The following NUCB2 variants were observed in gnomAD, a reference collection of about 807,000 sequenced individuals.
NUCB2 encodes nucleobindin 2, also known as nucleobindin-2.
In NUCB2, 48 loss-of-function variants were observed where a neutral mutation model predicts 57.9. The ratio of observed to expected loss-of-function variants is 0.83; its 90% CI spans 0.66 to 1.05. NUCB2 has a LOEUF of 1.05. NUCB2 is among the 50% of genes least tolerant of loss of function. The pLI is 0.00. For missense variants in NUCB2, 442 were observed against 476.2 expected, an observed-to-expected ratio of 0.93 and a Z score of 0.67; for synonymous variants, 139 against 152.1, an observed-to-expected ratio of 0.91 and a Z score of 0.64.
Position 17,293,089 on chromosome 11 carries a change from A to G in NUCB2, c.1-2235A>G, listed in dbSNP as rs529549891. On this transcript the variant is annotated intron_variant, in intron 2 of 13. Coordinates refer to ENST00000529010, the MANE Select transcript of NUCB2 (RefSeq NM_005013.4). Reference sequence around the variant, plus strand: ...GCCAACATGGTGAAACCCCAGCTCTACCAAAAATACAAAAATTAGCTGGGC... The same window carrying G: ...GCCAACATGGTGAAACCCCAGCTCTGCCAAAAATACAAAAATTAGCTGGGC... Among the ~76,000 whole-genome samples the G allele has an allele frequency of 7.2e-5, 11 of 152,126 alleles. 1 individual carries two copies. The South Asian group carries it at 2.3e-3, about 32-fold the overall frequency.
chr11:17,318,909 G>A (rs1385189227), intron 11 of NUCB2, among the ~76,000 whole-genome samples: 1 of 152,190 alleles, frequency 6.6e-6, no homozygotes, highest in African/African-American at 2.4e-5. Context: ...GGGCACGGTG[G>A]TGCCTACCTG....
At chr11:17,314,026 C>T (rs1325582092) in intron 10 of NUCB2, among the ~76,000 whole-genome samples, 1 of 152,042 alleles carries the variant, frequency 6.6e-6, no homozygotes, top group Non-Finnish European at 1.5e-5. Flanking sequence ...TAACTCACAT[C>T]TTCTTCAAAC....
At chr11:17,314,371 C>T (rs1948943128) in intron 10 of NUCB2, among the ~76,000 whole-genome samples, 1 of 152,136 alleles carries the variant, frequency 6.6e-6, no homozygotes, top group South Asian at 2.1e-4. Flanking sequence ...ACTTCAGTGG[C>T]TTGCAATTTC....
Position 17,330,734 on chromosome 11 carries a change from G to A in NUCB2, c.1174-168G>A, listed in dbSNP as rs567147502. Among the ~76,000 whole-genome samples, 27 of 152,326 alleles carry A rather than the reference G, an allele frequency of 1.8e-4. No homozygotes were observed. The highest frequency in any genetic ancestry group is 3.9e-4 in the Admixed American group (6 of 15,298). On this transcript the variant is annotated intron_variant, in intron 12 of 13. Coordinates refer to ENST00000529010, the MANE Select transcript of NUCB2 (RefSeq NM_005013.4). This position sits in a 1 kb window ranked among gnomAD's most constrained non-coding sequence, Gnocchi z 4.3. ...TCTTCCCACCTGGGCCTCTGAAATT[G>A]TTGGGACTATAGGCGTGAGCCACTG...
chr11:17,307,914 G>A (rs1947939131), intron 5 of NUCB2, among the ~76,000 whole-genome samples: 1 of 152,182 alleles, frequency 6.6e-6, no homozygotes, highest in Non-Finnish European at 1.5e-5. Context: ...CTAATGGCAT[G>A]TGTCATCAAA....
At chr11:17,303,663 T>C (rs1437983197) in intron 5 of NUCB2, among the ~76,000 whole-genome samples, 2 of 151,988 alleles carry the variant, frequency 1.3e-5, no homozygotes, top group Non-Finnish European at 2.9e-5. Flanking sequence ...GGCGAGTGGG[T>C]CACCTGAGGT....
At chr11:17,342,009 A>G (rs960081141) in intron 2 of NUCB2, among the ~76,000 whole-genome samples, 3 of 152,188 alleles carry the variant, frequency 2.0e-5, no homozygotes, top group African/African-American at 7.2e-5. Flanking sequence ...TTATTGGTCT[A>G]TTCAGAGATT....
At chr11:17,333,005 C>T (rs550462298), downstream of NUCB2, 1 of 152,258 alleles carries the variant, frequency 6.6e-6, no homozygotes, top group East Asian at 1.9e-4. Flanking sequence ...AGCCACCATG[C>T]CCAAGATCCC....
intron 2 of NUCB2, among the ~76,000 whole-genome samples, chr11:17,349,016 G>A (rs1349379555): frequency 1.7e-4 from 26 of 152,116 alleles, no homozygotes; most frequent in Admixed American, 1.6e-3. Flanking sequence ...CTGACCTCAG[G>A]TGATCCACCC....
intron 5 of NUCB2, among the ~76,000 whole-genome samples, chr11:17,302,940 A>G (rs922782639): frequency 6.6e-6 from 1 of 151,986 alleles, no homozygotes; most frequent in Non-Finnish European, 1.5e-5. Flanking sequence ...GGGTTTCACC[A>G]TGTTAGCCAG....
chr11:17,333,390 A>C (rs1194278360), downstream of NUCB2: 2 of 152,204 alleles, frequency 1.3e-5, no homozygotes, highest in Non-Finnish European at 2.9e-5. Context: ...GCTACAGTCT[A>C]TTGCAGGCCA....
At chr11:17,324,778 G>GTTTA (rs1256523913) in intron 11 of NUCB2, among the ~76,000 whole-genome samples, 1,560 of 128,994 alleles carry the variant, frequency 0.012, 17 homozygotes, top group African/African-American at 0.046. Flanking sequence ...TTGTCTATTT[G>GTTTA]TCTATTTATT....
intron 1 of NUCB2, among the ~76,000 whole-genome samples, chr11:17,281,292 T>C (rs1180846541): frequency 2.0e-5 from 3 of 150,796 alleles, no homozygotes; most frequent in African/African-American, 7.3e-5. Context: ...AATTTTTTGA[T>C]TTTTTTTTGT....
chr11:17,324,574 C>T (rs1950427040), intron 11 of NUCB2, among the ~76,000 whole-genome samples: 1 of 151,974 alleles, frequency 6.6e-6, no homozygotes, highest in Admixed American at 6.6e-5. Flanking sequence ...GCTGGAATTA[C>T]AGGTGCATGC....
chr11:17,330,157 G>C lies in NUCB2; in HGVS notation c.1033G>C (p.Glu345Gln). 1 of 1,558,368 alleles carries C rather than the reference G, an allele frequency of 6.4e-7. No homozygotes were observed. Among genetic ancestry groups the C allele is most frequent in the Non-Finnish European group, 8.8e-7 (1 of 1,138,966 alleles). The change falls in exon 12 of 14, where the codon GAA (glutamate) becomes CAA (glutamine). Residue 345 changes from glutamate to glutamine, a missense_variant. By Grantham distance (29) the Glu-to-Gln change is conservative (BLOSUM62 2). Coordinates refer to ENST00000529010, the MANE Select transcript of NUCB2 (RefSeq NM_005013.4). The surrounding 1 kb of genome is among the most constrained non-coding windows in gnomAD (Gnocchi z 4.3). Reference protein sequence around the residue: ...TLDQQQFFTEEELKEYENIIA... With the variant: ...TLDQQQFFTEQELKEYENIIA... ...AGATCAGCAACAGTTCTTCACAGAG[G>C]AAGAACTAAAAGAATATGAAAATAT...
intron 4 of NUCB2, among the ~76,000 whole-genome samples, 154 bp from the exon 5 acceptor site, chr11:17,301,590 A>T (rs925836895): frequency 4.6e-5 from 7 of 152,132 alleles, no homozygotes; most frequent in African/African-American, 1.7e-4. Context: ...TAAAGCTAAT[A>T]TCTTTTGAAA....
rs549574903 is a variant in NUCB2 at position 17,319,934 on chromosome 11, A to G, written c.1002+4459A>G. Among the ~76,000 whole-genome samples the G allele has an allele frequency of 1.3e-4, 20 of 152,124 alleles. 1 individual carries two copies. In the South Asian group the frequency reaches 1.5e-3, roughly 11 times the overall value. On this transcript the variant is annotated intron_variant, in intron 11 of 13. Coordinates refer to ENST00000529010, the MANE Select transcript of NUCB2 (RefSeq NM_005013.4). ...GCCCCAGTGTGTGTTGTTCCTCACT[A>G]TGTGTCCATGTGTTCTCATCATTTA...
intron 2 of NUCB2, chr11:17,283,577 G>T (rs928040640): frequency 6.6e-6 from 1 of 152,092 alleles, no homozygotes; most frequent in Non-Finnish European, 1.5e-5. Flanking sequence ...AATAAATTGT[G>T]TTTCTGTTTT....
intron 4 of NUCB2, among the ~76,000 whole-genome samples, chr11:17,300,111 C>T (rs1467774072): frequency 2.0e-5 from 3 of 151,940 alleles, no homozygotes; most frequent in African/African-American, 7.2e-5. Context: ...TCCCGGCTGA[C>T]ACGATTCTCC....
Sources: allele counts gnomAD v4.1 joint callset (sites outside exome capture counted in the v4.1 genomes callset), GRCh38; gene constraint gnomAD v4.1.1; non-coding constraint Gnocchi (gnomAD v3.1); transcripts MANE v1.5; gene names NCBI Gene and HGNC (gene_info 2026-07-23, HGNC 2026-07-21).